TENM3: variants seen among roughly 807,000 people sequenced by gnomAD.
TENM3 encodes teneurin-3.
A neutral mutation model predicts 255.1 loss-of-function variants in TENM3; 63 were observed. The ratio of observed to expected loss-of-function variants is 0.25; its 90% confidence interval spans 0.20 to 0.30. TENM3 has a LOEUF of 0.30. Ranked by LOEUF, TENM3 falls within the 10% of genes least tolerant of loss-of-function variation. The pLI, the probability that TENM3 is intolerant of heterozygous loss-of-function variation, is 1.00. For missense variants in TENM3, 2,929 were observed against 3,461.1 expected (o/e 0.85, Z 3.86); for synonymous variants, 1,306 against 1,322.3 (o/e 0.99, Z 0.27).
the TENM3 span, among the ~76,000 whole-genome samples, chr4:182,040,034 G>T: frequency 1.1e-4 from 2 of 18,222 alleles, no homozygotes; most frequent in Admixed American, 1.2e-3. Context: ...CAGGGGAGGG[G>T]AGGGCAGAAG....
chr4:182,761,188 G>A (rs1428701522), intron 22 of TENM3, among the ~76,000 whole-genome samples: 1 of 152,148 alleles, frequency 6.6e-6, no homozygotes, highest in Non-Finnish European at 1.5e-5. Context: ...GGAGGCTGAG[G>A]TGGGCGGATC....
intron 1 of TENM3, among the ~76,000 whole-genome samples, chr4:182,286,664 A>G (rs1760747137): frequency 6.6e-6 from 1 of 152,072 alleles, no homozygotes; most frequent in Non-Finnish European, 1.5e-5. Flanking sequence ...GGGGCTCTCA[A>G]TCCTTCTTTG....
At chr4:182,759,018 T>A (rs753016797) in intron 22 of TENM3, among the ~76,000 whole-genome samples, 6 of 152,292 alleles carry the variant, frequency 3.9e-5, no homozygotes, top group Non-Finnish European at 1.5e-5. Context: ...TGGAAGAAGA[T>A]CTGGAATCAA....
chr4:182,403,088 A>G (rs1769313992), intron 3 of TENM3, among the ~76,000 whole-genome samples: 1 of 152,218 alleles, frequency 6.6e-6, no homozygotes, highest in South Asian at 2.1e-4. Context: ...ATACGAAACC[A>G]TGTAATCCGA....
At chr4:181,728,122 G>A in the TENM3 span, among the ~76,000 whole-genome samples, 1 of 152,168 alleles carries the variant, frequency 6.6e-6, no homozygotes. Context: ...TCAAAAAACA[G>A]TTGAAAAGAT....
At chr4:182,732,688 G>A (rs904856957) in intron 16 of TENM3, among the ~76,000 whole-genome samples, 1 of 152,066 alleles carries the variant, frequency 6.6e-6, no homozygotes, top group South Asian at 2.1e-4. Flanking sequence ...TTAGCCAGGC[G>A]TGGTGGCATG....
In TENM3 at chr4:182,605,247, A is replaced by G. The variant is rs367993229; in HGVS notation, c.749+4086A>G. Among the ~76,000 whole-genome samples, 12 of 152,308 alleles carry G rather than the reference A, an allele frequency of 7.9e-5. No homozygotes were observed. The East Asian group carries it at 2.1e-3, about 27-fold the overall frequency. ...CTCCGTAATTAAAGATACAACTTCA[A>G]GTAAAATATGCCTGGGAAGGTAGCT... On this transcript the variant is annotated intron_variant, in intron 4 of 27. Coordinates refer to ENST00000511685, the MANE Select transcript of TENM3 (RefSeq NM_001080477.4).
At chr4:182,430,268 G>A (rs1771521932) in intron 3 of TENM3, among the ~76,000 whole-genome samples, 1 of 152,216 alleles carries the variant, frequency 6.6e-6, no homozygotes, top group African/African-American at 2.4e-5. Context: ...ACGACTGTAG[G>A]CCGGGCGCAG....
the TENM3 span, among the ~76,000 whole-genome samples, chr4:181,680,267 T>C: frequency 6.6e-6 from 1 of 152,140 alleles, no homozygotes; most frequent in Non-Finnish European, 1.5e-5. Flanking sequence ...CTGTAAATAG[T>C]AAATACATTT....
intron 3 of TENM3, among the ~76,000 whole-genome samples, chr4:182,584,040 T>G (rs1745768594): frequency 6.6e-6 from 1 of 152,218 alleles, no homozygotes; most frequent in South Asian, 2.1e-4. Flanking sequence ...TTACTGCAGT[T>G]TTAAGAATCA....
chr4:182,005,992 T>A, the TENM3 span, among the ~76,000 whole-genome samples: 250 of 152,254 alleles, frequency 1.6e-3, 2 homozygotes, highest in African/African-American at 5.5e-3. Flanking sequence ...TTTCTAAACA[T>A]AAAATCATGT....
In TENM3 at chr4:182,685,634, T is replaced by C. The variant is rs537984595; in HGVS notation, c.2036-2532T>C. Among the ~76,000 whole-genome samples, 83 of 152,156 alleles carry C rather than the reference T, an allele frequency of 5.5e-4. 1 individual carries two copies. Among genetic ancestry groups the C allele is most frequent in the Non-Finnish European group, 8.7e-4 (59 of 67,966 alleles). On this transcript the variant is annotated intron_variant, in intron 11 of 27. Transcript: ENST00000511685. ...ACAAAAAATATCCAATTAAATGTTA[T>C]AGAGATAATTACTTCTATAGTAAAG...
intron 1 of TENM3, among the ~76,000 whole-genome samples, chr4:182,146,144 C>T (rs970967834): frequency 6.6e-6 from 1 of 152,150 alleles, no homozygotes; most frequent in Non-Finnish European, 1.5e-5. Flanking sequence ...GAATTAAGAG[C>T]AACTGTGTAA....
At chr4:182,091,096 C>T in the TENM3 span, among the ~76,000 whole-genome samples, 1 of 152,174 alleles carries the variant, frequency 6.6e-6, no homozygotes, top group Non-Finnish European at 1.5e-5. Flanking sequence ...AAACACATAT[C>T]AGTTGACCGA....
the TENM3 span, among the ~76,000 whole-genome samples, chr4:181,685,922 A>G: frequency 6.6e-6 from 1 of 152,140 alleles, no homozygotes; most frequent in Non-Finnish European, 1.5e-5. Context: ...TAACTTTTCA[A>G]ATATTGTTCT....
At chr4:182,144,103 C>T (rs3749568), upstream of TENM3, 310 of 152,972 alleles carry the variant, frequency 2.0e-3, 9 homozygotes, top group East Asian at 0.056. Context: ...TGATCACAGC[C>T]AGGTCCAGCT....
chr4:181,759,469 A>G, the TENM3 span, among the ~76,000 whole-genome samples: 1 of 152,188 alleles, frequency 6.6e-6, no homozygotes, highest in Non-Finnish European at 1.5e-5. Flanking sequence ...TATCAATATC[A>G]TCTCAAGTGG....
intron 6 of TENM3, among the ~76,000 whole-genome samples, chr4:182,657,432 G>T (rs1293785095): frequency 6.6e-6 from 1 of 152,058 alleles, no homozygotes; most frequent in Non-Finnish European, 1.5e-5. Flanking sequence ...CACATATGTG[G>T]ATCTATGCTT....
the TENM3 span, among the ~76,000 whole-genome samples, chr4:181,574,985 A>G: frequency 6.6e-6 from 1 of 152,168 alleles, no homozygotes; most frequent in Non-Finnish European, 1.5e-5. Context: ...TTTGCATCGA[A>G]TGGAATTTTG....
Sources: gnomAD v4.1 joint callset for allele counts (sites outside exome capture counted in the v4.1 genomes callset) on GRCh38, gnomAD v4.1.1 for gene constraint, MANE v1.5 for transcripts, NCBI Gene and HGNC (gene_info 2026-07-23, HGNC 2026-07-21) for gene names.